LRRC4C: variants seen among roughly 807,000 people sequenced by gnomAD.
LRRC4C encodes the protein leucine-rich repeat-containing protein 4C.
LRRC4C carries 5 observed loss-of-function variants against 33.6 expected under a neutral mutation model. The observed-to-expected ratio is 0.15, with a 90% confidence interval of 0.08 to 0.31. LRRC4C has a LOEUF of 0.31. LRRC4C is among the 10% of genes least tolerant of loss of function. The pLI is 1.00. For synonymous variants in LRRC4C, 329 were observed against 302.0 expected (o/e 1.09, Z -0.93); for missense variants, 560 against 796.7 (o/e 0.70, Z 3.58).
At chr11:40,696,228 C>A (rs1163428012) in intron 2 of LRRC4C, among the ~76,000 whole-genome samples, 1 of 138,408 alleles carries the variant, frequency 7.2e-6, no homozygotes, top group African/African-American at 2.8e-5. Context: ...AATTAGCCAA[C>A]AACTTCAAGA....
chr11:40,831,963 T>A (rs1952435190), intron 2 of LRRC4C, among the ~76,000 whole-genome samples: 1 of 152,140 alleles, frequency 6.6e-6, no homozygotes, highest in Middle Eastern at 3.2e-3. Flanking sequence ...ATTTAGATTT[T>A]AAATTATCAA....
chr11:40,686,222 T>C (rs1232636481), intron 2 of LRRC4C, among the ~76,000 whole-genome samples: 1 of 152,058 alleles, frequency 6.6e-6, no homozygotes. Flanking sequence ...GTATCTACCA[T>C]TGATTTGTTG....
intron 1 of LRRC4C, among the ~76,000 whole-genome samples, chr11:41,118,669 C>T (rs1431898414): frequency 6.6e-6 from 1 of 152,150 alleles, no homozygotes; most frequent in East Asian, 1.9e-4. Context: ...TCAGTCTCCC[C>T]ACCTCCAATT....
chr11:40,778,240 G>A (rs954342881), intron 2 of LRRC4C, among the ~76,000 whole-genome samples: 2 of 152,100 alleles, frequency 1.3e-5, no homozygotes, highest in Non-Finnish European at 2.9e-5. Flanking sequence ...ATTTTGTGAG[G>A]CTGGCCTGGT....
chr11:40,789,711 C>A (rs1467842518), intron 2 of LRRC4C, among the ~76,000 whole-genome samples: 4 of 152,018 alleles, frequency 2.6e-5, no homozygotes, highest in Non-Finnish European at 5.9e-5. Context: ...TGAAATAAAC[C>A]AAATAGTTTG....
intron 3 of LRRC4C, among the ~76,000 whole-genome samples, chr11:40,323,528 G>A (rs1417568760): frequency 1.3e-5 from 2 of 152,148 alleles, no homozygotes; most frequent in African/African-American, 4.8e-5. Context: ...TGATGAAGGG[G>A]CCATATTGAC....
intron 1 of LRRC4C, among the ~76,000 whole-genome samples, chr11:41,384,637 A>C (rs1953285080): frequency 6.6e-6 from 1 of 151,244 alleles, no homozygotes; most frequent in Non-Finnish European, 1.5e-5. Context: ...GACCAGATAA[A>C]ATATGTGTAC....
intron 4 of LRRC4C, chr11:40,293,637 A>C (rs1944354074): frequency 6.6e-6 from 1 of 152,386 alleles, no homozygotes; most frequent in African/African-American, 2.4e-5. Context: ...GAAGAAAAAA[A>C]GAAAAAGGAA....
At chr11:41,454,626 C>T (rs1320935619) in intron 1 of LRRC4C, among the ~76,000 whole-genome samples, 4 of 152,034 alleles carry the variant, frequency 2.6e-5, no homozygotes, top group Admixed American at 6.6e-5. Flanking sequence ...TCCTTATATT[C>T]GGTATCATTT....
At position 41,175,606 on chromosome 11, in the gene LRRC4C, C is replaced by T. The variant is rs140607540; in HGVS notation, c.-495-241883G>A. 5.3e-5 allele frequency among the ~76,000 whole-genome samples: 8 copies of T among 152,096 alleles called. No homozygotes were observed. The East Asian group carries it at 1.6e-3, about 30-fold the overall frequency. ...TTAGTCAACCAGAGCAATTCAATGG[C>T]CACCCTTAACTTCAAGAGGGTGGAT... is the stretch of plus-strand genomic sequence containing the variant. On this transcript the variant is annotated intron_variant, in intron 1 of 6. Transcript: ENST00000528697.
intron 1 of LRRC4C, among the ~76,000 whole-genome samples, chr11:40,977,475 T>C (rs1852169879): frequency 6.6e-6 from 1 of 152,140 alleles, no homozygotes; most frequent in South Asian, 2.1e-4. Context: ...TTATAAGTCA[T>C]TTTCCAAGAA....
At chr11:40,783,651 T>C (rs1950303607) in intron 2 of LRRC4C, among the ~76,000 whole-genome samples, 1 of 152,164 alleles carries the variant, frequency 6.6e-6, no homozygotes. Context: ...TGAAATTATA[T>C]TCTTTCTCCA....
intron 2 of LRRC4C, among the ~76,000 whole-genome samples, chr11:40,837,837 T>G (rs1952741687): frequency 6.7e-6 from 1 of 150,068 alleles, no homozygotes; most frequent in East Asian, 2.0e-4. Context: ...GTGACAGAGA[T>G]CCCATCTCAG....
intron 3 of LRRC4C, among the ~76,000 whole-genome samples, chr11:40,636,117 C>T (rs1452275899): frequency 2.6e-5 from 4 of 152,082 alleles, no homozygotes; most frequent in Admixed American, 2.0e-4. Flanking sequence ...AGGTCTAAGG[C>T]GGGCCTGCCC....
At chr11:40,955,019 C>A (rs1422276949) in intron 1 of LRRC4C, among the ~76,000 whole-genome samples, 1 of 151,796 alleles carries the variant, frequency 6.6e-6, no homozygotes, top group Admixed American at 6.6e-5. Flanking sequence ...GCACAGCCCC[C>A]ACCTACACTA....
intron 3 of LRRC4C, among the ~76,000 whole-genome samples, chr11:40,426,757 A>G (rs1950731365): frequency 6.6e-6 from 1 of 152,216 alleles, no homozygotes; most frequent in African/African-American, 2.4e-5. Context: ...AAGTTTGTCC[A>G]AGAAATATTT....
chr11:41,454,241 A>T (rs975560413), intron 1 of LRRC4C, among the ~76,000 whole-genome samples: 2 of 152,142 alleles, frequency 1.3e-5, no homozygotes, highest in Non-Finnish European at 2.9e-5. Flanking sequence ...GGCTTTTTAC[A>T]TCTTTTCTGA....
At chr11:41,006,976 C>T (rs1306457570) in intron 1 of LRRC4C, among the ~76,000 whole-genome samples, 3 of 152,010 alleles carry the variant, frequency 2.0e-5, no homozygotes, top group Non-Finnish European at 4.4e-5. Context: ...TAAATGATTG[C>T]CCCAAAGGCA....
intron 1 of LRRC4C, among the ~76,000 whole-genome samples, chr11:41,211,383 G>A (rs1216412872): frequency 6.6e-6 from 1 of 152,014 alleles, no homozygotes; most frequent in Non-Finnish European, 1.5e-5. Context: ...ACAACTTGCA[G>A]GTTTGTTATA....
Sources: gnomAD v4.1 joint callset for allele counts (sites outside exome capture counted in the v4.1 genomes callset) on GRCh38, gnomAD v4.1.1 for gene constraint, MANE v1.5 for transcripts, NCBI Gene and HGNC (gene_info 2026-07-23, HGNC 2026-07-21) for gene names.